Variants in GRM5 observed in about 807,000 individuals in gnomAD.
GRM5 encodes glutamate metabotropic receptor 5.
In GRM5, 19 loss-of-function variants were observed where a neutral mutation model predicts 83.1. That is an observed-to-expected ratio of 0.23 (90% CI 0.16 to 0.34). The LOEUF is 0.34. GRM5 is among the 10% of genes least tolerant of loss of function. The pLI is 1.00. For missense variants in GRM5, 1,160 were observed against 1,588.3 expected (o/e 0.73, Z 4.58); for synonymous variants, 675 against 633.6 (o/e 1.07, Z -0.98).
intron 3 of GRM5, among the ~76,000 whole-genome samples, chr11:88,726,358 G>T (rs181352788): frequency 6.6e-5 from 10 of 151,918 alleles, no homozygotes; most frequent in African/African-American, 2.4e-4. Flanking sequence ...GAAAAGGAAC[G>T]AACAAAGCCT....
chr11:88,712,223 A>G lies in GRM5; in HGVS notation c.912-58820T>C, dbSNP rs184095857. Among the ~76,000 whole-genome samples the G allele has an allele frequency of 2.0e-5, 3 of 152,120 alleles. No homozygotes were observed. The East Asian group carries it at 5.8e-4, about 29-fold the overall frequency. On this transcript the variant is annotated intron_variant, in intron 3 of 9. Coordinates refer to ENST00000305447, the MANE Select transcript of GRM5 (RefSeq NM_001143831.3). Reference sequence around the variant, plus strand: ...GTAATATATTGTAAAAAATTAACATATTGTATGATTACTCTGAGGTCCATT... The same window carrying G: ...GTAATATATTGTAAAAAATTAACATGTTGTATGATTACTCTGAGGTCCATT...
intron 4 of GRM5, among the ~76,000 whole-genome samples, chr11:88,605,524 CATTA>C (rs891892320): frequency 2.0e-5 from 3 of 151,916 alleles, no homozygotes; most frequent in Non-Finnish European, 4.4e-5. Context: ...TCCTTTAATT[CATTA>C]ATTAATTCAG....
chr11:88,788,905 T>C (rs369796656), intron 3 of GRM5, among the ~76,000 whole-genome samples: 9 of 152,304 alleles, frequency 5.9e-5, no homozygotes, highest in African/African-American at 2.2e-4. Flanking sequence ...GCCTCCTCAA[T>C]TGACAGTTTG....
Position 88,774,788 on chromosome 11 carries a change from A to G in GRM5, c.911+75118T>C, listed in dbSNP as rs188990764. Among the ~76,000 whole-genome samples the G allele has an allele frequency of 4.9e-3, 744 of 152,316 alleles. 5 individuals carry two copies. Among genetic ancestry groups the G allele is most frequent in the African/African-American group, 0.017 (716 of 41,584 alleles). On this transcript the variant is annotated intron_variant, in intron 3 of 9. Coordinates refer to ENST00000305447, the MANE Select transcript of GRM5 (RefSeq NM_001143831.3). Reference sequence around the variant, plus strand: ...GTTGAAGCAGCCTTGCATCTCAGGGATGAAGCCAACTTGATCGTGGTGGAT... The same window carrying G: ...GTTGAAGCAGCCTTGCATCTCAGGGGTGAAGCCAACTTGATCGTGGTGGAT...
intron 2 of GRM5, among the ~76,000 whole-genome samples, chr11:88,876,196 T>C (rs1944850017): frequency 6.6e-6 from 1 of 152,146 alleles, no homozygotes; most frequent in African/African-American, 2.4e-5. Flanking sequence ...CTGCAACCTC[T>C]ACAATAGTAT....
intron 6 of GRM5, among the ~76,000 whole-genome samples, chr11:88,591,296 T>G (rs908885384): frequency 3.9e-5 from 6 of 152,222 alleles, no homozygotes; most frequent in Admixed American, 1.3e-4. Context: ...AAAAATCTGA[T>G]TCAACAATTC....
intron 2 of GRM5, among the ~76,000 whole-genome samples, chr11:88,934,893 A>G (rs925292986): frequency 2.6e-5 from 4 of 151,942 alleles, no homozygotes; most frequent in Non-Finnish European, 5.9e-5. Context: ...ACAGGCCGTC[A>G]ATAGACAATA....
intron 4 of GRM5, among the ~76,000 whole-genome samples, chr11:88,615,085 T>C (rs1227384049): frequency 1.3e-5 from 2 of 152,036 alleles, no homozygotes; most frequent in African/African-American, 4.8e-5. Flanking sequence ...CAAAACAAGA[T>C]CTTAAAAGCT....
intron 3 of GRM5, among the ~76,000 whole-genome samples, chr11:88,659,786 A>G (rs552206847): frequency 6.6e-6 from 1 of 152,228 alleles, no homozygotes; most frequent in South Asian, 2.1e-4. Flanking sequence ...TACGAAGATA[A>G]AAGTCTAAGG....
At chr11:88,899,183 T>G (rs549446312) in intron 2 of GRM5, among the ~76,000 whole-genome samples, 9 of 151,960 alleles carry the variant, frequency 5.9e-5, no homozygotes, top group African/African-American at 2.2e-4. Context: ...TTTCAGAATA[T>G]CTGCCAAAAT....
intron 2 of GRM5, among the ~76,000 whole-genome samples, chr11:89,021,309 T>A (rs1440623554): frequency 6.6e-6 from 1 of 152,158 alleles, no homozygotes; most frequent in Non-Finnish European, 1.5e-5. Context: ...GGTCACTCCA[T>A]CACCTGCACA....
In GRM5 at chr11:88,679,913, T is replaced by A. The variant is rs1451318876; in HGVS notation, c.912-26510A>T. ...TTAGTTTCACCTTCCTCATTCTTCA[T>A]CTTCTTAATCTGTTTAATAAAAACA... is the stretch of plus-strand genomic sequence containing the variant. On this transcript the variant is annotated intron_variant, in intron 3 of 9. Coordinates refer to ENST00000305447, the MANE Select transcript of GRM5 (RefSeq NM_001143831.3). 2.3e-5 allele frequency among the ~76,000 whole-genome samples: 3 copies of A among 130,296 alleles called. No homozygotes were observed. In the Admixed American group the frequency reaches 2.6e-4, roughly 11 times the overall value. 85.5% of individuals were successfully genotyped at this position (130,296 alleles called of 152,430 possible). A position where few individuals can be genotyped will look rare whatever the true frequency, so the allele number is the denominator to read the frequency against.
At chr11:88,966,752 T>C (rs995100565) in intron 2 of GRM5, among the ~76,000 whole-genome samples, 26 of 152,088 alleles carry the variant, frequency 1.7e-4, no homozygotes, top group Admixed American at 1.3e-4. Context: ...CTTTGAAGTC[T>C]CCCCCCTGGG....
At chr11:88,873,782 G>A (rs1048094839) in intron 2 of GRM5, among the ~76,000 whole-genome samples, 1 of 151,534 alleles carries the variant, frequency 6.6e-6, no homozygotes, top group Non-Finnish European at 1.5e-5. Context: ...AAAGAAATAA[G>A]CAAAAGTTGC....
chr11:89,036,201 A>G (rs527328410), intron 2 of GRM5, among the ~76,000 whole-genome samples: 2 of 152,176 alleles, frequency 1.3e-5, no homozygotes, highest in Admixed American at 6.6e-5. Flanking sequence ...TTACCACAGC[A>G]TAATGCCTCT....
intron 2 of GRM5, among the ~76,000 whole-genome samples, chr11:88,884,688 T>A (rs589645): frequency 1.3e-5 from 2 of 152,028 alleles, no homozygotes; most frequent in Non-Finnish European, 2.9e-5. Flanking sequence ...GGGAGGTAAC[T>A]GAATGATGAG....
chr11:88,540,089 A>C (rs1197598642), intron 8 of GRM5, among the ~76,000 whole-genome samples: 1 of 152,194 alleles, frequency 6.6e-6, no homozygotes, highest in Non-Finnish European at 1.5e-5. Context: ...AATGCAAGGC[A>C]GTACTATTTA....
chr11:88,589,080 G>T (rs748305291), intron 7 of GRM5, among the ~76,000 whole-genome samples: 7 of 152,154 alleles, frequency 4.6e-5, no homozygotes, highest in Non-Finnish European at 1.0e-4. Flanking sequence ...ATGCAAGTTA[G>T]TTGACGATGC....
chr11:88,558,799 CAAAAAAAAAAA>C (rs71265014), intron 8 of GRM5, among the ~76,000 whole-genome samples: 9 of 21,922 alleles, frequency 4.1e-4, no homozygotes, highest in East Asian at 1.7e-3. Flanking sequence ...GACTCCATCT[CAAAAAAAAAAA>C]AAAAAAAAAA....
Sources: allele counts gnomAD v4.1 joint callset (sites outside exome capture counted in the v4.1 genomes callset), GRCh38; gene constraint gnomAD v4.1.1; transcripts MANE v1.5; gene names NCBI Gene and HGNC (gene_info 2026-07-23, HGNC 2026-07-21).